CDH11: variants seen among roughly 807,000 people sequenced by gnomAD.
The protein encoded by CDH11 is cadherin-11.
In CDH11, 11 loss-of-function variants were observed where a neutral mutation model predicts 67.8. That is an observed-to-expected ratio of 0.16 (90% CI 0.10 to 0.27). The LOEUF is 0.27. Among genes scored for constraint, CDH11 ranks in the 10% least tolerant of loss-of-function variants. The probability of loss-of-function intolerance (pLI) is 1.00; values close to 1 mark genes in which losing one functional copy is unlikely to be tolerated. For missense variants in CDH11, 847 were observed against 1,031.2 expected (o/e 0.82, Z 2.45); for synonymous variants, 419 against 400.0 (o/e 1.05, Z -0.57).
At chr16:65,093,162 TC>T (rs2142835146) in intron 1 of CDH11, among the ~76,000 whole-genome samples, 1 of 151,204 alleles carries the variant, frequency 6.6e-6, no homozygotes, top group Non-Finnish European at 1.5e-5. Flanking sequence ...GGTCTTGAAC[TC>T]CTGGCCTCAA....
chr16:65,053,960 A>G, intron 1 of CDH11, 32 bp from the exon 2 acceptor site: 2 of 455,696 alleles, frequency 4.4e-6, no homozygotes, highest in Non-Finnish European at 8.8e-6. Flanking sequence ...TTAGTAACCT[A>G]GTGGTGCCAT....
At chr16:64,964,532 CTTATTTATTTAT>C (rs200524342) in intron 11 of CDH11, among the ~76,000 whole-genome samples, 3 of 151,126 alleles carry the variant, frequency 2.0e-5, no homozygotes, top group African/African-American at 7.3e-5. Flanking sequence ...CTACTGTAGA[CTTATTTATTTAT>C]TTATTTATTT....
At chr16:64,986,479 C>G (rs1267860990) in intron 7 of CDH11, 1 of 151,872 alleles carries the variant, frequency 6.6e-6, no homozygotes, top group Admixed American at 6.6e-5. Flanking sequence ...CAGGTGACAA[C>G]CTTAGCATAA....
At chr16:64,988,119 C>T in intron 7 of CDH11, 38 bp downstream of exon 7, 1 of 1,524,562 alleles carries the variant, frequency 6.6e-7, no homozygotes, top group South Asian at 1.2e-5. Flanking sequence ...CAGAGCAGGC[C>T]ATACCACTGA....
Position 64,945,668 on chromosome 16 carries a change from T to C in CDH11, c.*1935A>G. On this transcript the variant is annotated 3_prime_UTR_variant, in exon 13 of 13. Coordinates refer to ENST00000268603, the MANE Select transcript of CDH11 (RefSeq NM_001797.4). ...TGAGATGAAAGATTCTAAAGTGACATTGTCCACAAAATGTATTCCATTGAA... is the reference window on the plus strand; with the variant it reads ...TGAGATGAAAGATTCTAAAGTGACACTGTCCACAAAATGTATTCCATTGAA... 16 of 1,038,004 alleles carry C rather than the reference T, an allele frequency of 1.5e-5. No homozygotes were observed. The highest frequency in any genetic ancestry group is 1.9e-5 in the Non-Finnish European group (16 of 861,776). 64.3% of individuals were successfully genotyped at this position (1,038,004 alleles called of 1,614,324 possible). A position where few individuals can be genotyped will look rare whatever the true frequency, so the allele number is the denominator to read the frequency against.
In CDH11 at chr16:64,945,708, T is replaced by A; in HGVS notation, c.*1895A>T. ...ATTCCATTGAAGTGTTCAGCCCAAT[T>A]TGATTTCAATGCAAAGTAAAATGGA... On this transcript the variant is annotated 3_prime_UTR_variant, in exon 13 of 13. Coordinates refer to ENST00000268603, the MANE Select transcript of CDH11 (RefSeq NM_001797.4). 1 of 1,041,312 alleles carries A rather than the reference T, an allele frequency of 9.6e-7. No homozygotes were observed. The highest frequency in any genetic ancestry group is 4.6e-5 in the South Asian group (1 of 21,788). 64.5% of individuals were successfully genotyped at this position (1,041,312 alleles called of 1,614,324 possible). A position where few individuals can be genotyped will look rare whatever the true frequency, so the allele number is the denominator to read the frequency against.
At chr16:65,080,225 C>T in intron 1 of CDH11, among the ~76,000 whole-genome samples, 1 of 151,364 alleles carries the variant, frequency 6.6e-6, no homozygotes, top group Non-Finnish European at 1.5e-5. Context: ...TACAACCATT[C>T]AACCCCTACT....
intron 2 of CDH11, among the ~76,000 whole-genome samples, chr16:65,041,436 G>C (rs2073866862): frequency 6.6e-6 from 1 of 152,108 alleles, no homozygotes; most frequent in Non-Finnish European, 1.5e-5. Context: ...TCATCTTAAT[G>C]AACTGTCCAG....
At chr16:64,971,798 C>T in intron 10 of CDH11, 102 bp from the exon 11 acceptor site, 2 of 1,385,732 alleles carry the variant, frequency 1.4e-6, no homozygotes, top group Non-Finnish European at 2.0e-6. Context: ...AATTAGAGAA[C>T]ATAACTTCAG....
At chr16:65,021,707 G>T (rs1351127715) in intron 2 of CDH11, among the ~76,000 whole-genome samples, 1 of 150,494 alleles carries the variant, frequency 6.6e-6, no homozygotes, top group Non-Finnish European at 1.5e-5. Flanking sequence ...AACACCTCTG[G>T]CTTTTAAGCT....
intron 2 of CDH11, among the ~76,000 whole-genome samples, chr16:65,048,433 A>G (rs1483086524): frequency 6.6e-6 from 1 of 152,138 alleles, no homozygotes; most frequent in Admixed American, 6.5e-5. Context: ...TCAAAACGGA[A>G]CCTGCACCCA....
Position 64,945,619 on chromosome 16 carries a change from T to C in CDH11, c.*1984A>G, listed in dbSNP as rs2142358645. The C allele has an allele frequency of 9.7e-7, 1 of 1,035,234 alleles. No individual in the cohort carries two copies. Among genetic ancestry groups the C allele is most frequent in the South Asian group, 4.6e-5 (1 of 21,712 alleles). The allele number at this position is 1,035,234 out of a possible 1,614,324, so 64.1% of individuals were successfully genotyped here. ...TGAACACAACCTGCAATTATGGAAG[T>C]ATTGAGAATGTGTAATCCTTCACTG... On this transcript the variant is annotated 3_prime_UTR_variant, in exon 13 of 13. Coordinates refer to ENST00000268603, the MANE Select transcript of CDH11 (RefSeq NM_001797.4).
chr16:65,010,293 C>A (rs1037050860), intron 2 of CDH11, among the ~76,000 whole-genome samples: 2 of 152,100 alleles, frequency 1.3e-5, no homozygotes, highest in African/African-American at 2.4e-5. Flanking sequence ...GCTTTGTAAC[C>A]AATCCAATTC....
rs1243123643 is a variant in CDH11, at chr16:64,947,621, A to AG, written c.2372dup (p.Asp793Ter). ...GTTATTGTTAAGAATCGTCATCAAA[A>AG]GTGTCTTTGGAACCATACAAATCTG... is the stretch of plus-strand genomic sequence containing the variant. On this transcript the variant is annotated frameshift_variant, in exon 13 of 13. Coordinates refer to ENST00000268603, the MANE Select transcript of CDH11 (RefSeq NM_001797.4). LOFTEE classifies it high-confidence loss of function. The AG allele has an allele frequency of 1.2e-6, 2 of 1,607,526 alleles. No individual in the cohort carries two copies. The highest frequency in any genetic ancestry group is 2.7e-5 in the African/African-American group (2 of 74,672).
chr16:64,966,891 A>G (rs949959955), intron 11 of CDH11, among the ~76,000 whole-genome samples: 4 of 152,188 alleles, frequency 2.6e-5, no homozygotes, highest in Admixed American at 2.6e-4. Context: ...AGACTTTACA[A>G]ATCAATTGCA....
chr16:65,095,464 C>A (rs1334585764), intron 1 of CDH11, among the ~76,000 whole-genome samples: 1 of 152,152 alleles, frequency 6.6e-6, no homozygotes, highest in Non-Finnish European at 1.5e-5. Flanking sequence ...AGGTTATAGT[C>A]TGCAGTTATA....
At chr16:65,023,926 A>G in intron 2 of CDH11, among the ~76,000 whole-genome samples, 1 of 152,098 alleles carries the variant, frequency 6.6e-6, no homozygotes, top group Non-Finnish European at 1.5e-5. Context: ...AGTCCTACCC[A>G]ATCTCCTGTT....
chr16:65,112,941 T>A (rs2075184130), intron 1 of CDH11, among the ~76,000 whole-genome samples: 1 of 152,180 alleles, frequency 6.6e-6, no homozygotes, highest in African/African-American at 2.4e-5. Flanking sequence ...GAACTAATGA[T>A]ACGTTTACAA....
chr16:64,975,626 A>G (rs1051093454), intron 8 of CDH11, among the ~76,000 whole-genome samples: 4 of 152,154 alleles, frequency 2.6e-5, no homozygotes, highest in African/African-American at 9.7e-5. Context: ...AGATTTAAAG[A>G]CATTGAAAAA....
Sources: allele counts gnomAD v4.1 joint callset (sites outside exome capture counted in the v4.1 genomes callset), GRCh38; gene constraint gnomAD v4.1.1; transcripts MANE v1.5; gene names NCBI Gene and HGNC (gene_info 2026-07-23, HGNC 2026-07-21).